The following PRKD1 variants were observed in gnomAD, a reference collection of about 807,000 sequenced individuals.
PRKD1 encodes serine/threonine-protein kinase D1.
Under a neutral mutation model 95.9 loss-of-function variants are expected in PRKD1, and 63 were observed. That is an observed-to-expected ratio of 0.66 (90% confidence interval 0.54 to 0.81). The LOEUF (loss-of-function observed/expected upper bound fraction) is 0.81. Among genes scored for constraint, PRKD1 ranks in the 30% least tolerant of loss-of-function variants. The probability of loss-of-function intolerance (pLI) is 0.00; values close to 1 mark genes in which losing one functional copy is unlikely to be tolerated. For missense variants in PRKD1, 1,048 were observed against 1,165.3 expected (o/e 0.90, Z 1.47); for synonymous variants, 425 against 423.1 (o/e 1.00, Z -0.05).
intron 2 of PRKD1, among the ~76,000 whole-genome samples, chr14:29,673,990 G>T (rs191717738): frequency 6.6e-5 from 10 of 152,178 alleles, no homozygotes; most frequent in African/African-American, 2.4e-4. Context: ...AATGGGCTTC[G>T]TGTGATGCAT....
chr14:29,720,896 C>A (rs1393298527), intron 2 of PRKD1, among the ~76,000 whole-genome samples: 1 of 152,106 alleles, frequency 6.6e-6, no homozygotes, highest in East Asian at 1.9e-4. Context: ...AGTTCTTCAG[C>A]CCCTCAGATA....
In PRKD1 at chr14:29,697,161, AG is replaced by A. The variant is rs1884567099; in HGVS notation, c.403+28374del. Among the ~76,000 whole-genome samples, 3 of 133,270 alleles carry A rather than the reference AG, an allele frequency of 2.3e-5. No individual in the cohort carries two copies. In the South Asian group the frequency reaches 8.0e-4, roughly 36 times the overall value. 87.4% of individuals were successfully genotyped at this position (133,270 alleles called of 152,430 possible). A position where few individuals can be genotyped will look rare whatever the true frequency, so the allele number is the denominator to read the frequency against. ...AGTTTGTAACCACATGTCAAAACAT[AG>A]TAAAAAAAAAACAAACAAACAAACA... On this transcript the variant is annotated intron_variant, in intron 2 of 17. Coordinates refer to ENST00000331968, the MANE Select transcript of PRKD1 (RefSeq NM_002742.3).
chr14:29,796,795 GTATGTT>G (rs1426710665), intron 1 of PRKD1, among the ~76,000 whole-genome samples: 2 of 152,128 alleles, frequency 1.3e-5, no homozygotes, highest in Admixed American at 6.6e-5. Context: ...TCTGATTTAA[GTATGTT>G]TAGGAGTTAA....
At chr14:29,736,128 G>A (rs1487149069) in intron 1 of PRKD1, among the ~76,000 whole-genome samples, 1 of 152,156 alleles carries the variant, frequency 6.6e-6, no homozygotes, top group African/African-American at 2.4e-5. Flanking sequence ...AGACCCCTAC[G>A]AAGTAGGTCA....
intron 4 of PRKD1, among the ~76,000 whole-genome samples, chr14:29,647,925 G>T (rs188796263): frequency 1.3e-5 from 2 of 152,326 alleles, no homozygotes; most frequent in African/African-American, 4.8e-5. Flanking sequence ...GCTTACAGAA[G>T]CCAGAACAAA....
At chr14:29,708,282 A>G (rs951373250) in intron 2 of PRKD1, among the ~76,000 whole-genome samples, 25 of 152,214 alleles carry the variant, frequency 1.6e-4, no homozygotes, top group Non-Finnish European at 2.6e-4. Flanking sequence ...AAAGGATGAC[A>G]TTAAAAAGTG....
chr14:29,619,686 A>G (rs1047241726), intron 13 of PRKD1, among the ~76,000 whole-genome samples: 2 of 152,160 alleles, frequency 1.3e-5, no homozygotes, highest in African/African-American at 4.8e-5. Flanking sequence ...GCAATTTTAA[A>G]TAGGGTGTTA....
At chr14:29,729,167 T>A (rs1388064108) in intron 1 of PRKD1, among the ~76,000 whole-genome samples, 2 of 152,122 alleles carry the variant, frequency 1.3e-5, no homozygotes, top group Non-Finnish European at 2.9e-5. Context: ...ATGATCTACT[T>A]CAAGGTAAGT....
intron 1 of PRKD1, among the ~76,000 whole-genome samples, chr14:29,885,072 G>A (rs1241224745): frequency 2.0e-5 from 3 of 149,112 alleles, no homozygotes; most frequent in African/African-American, 5.0e-5. Flanking sequence ...GCAGTGAGCC[G>A]AGATCGCACC....
intron 1 of PRKD1, among the ~76,000 whole-genome samples, chr14:29,730,557 A>G (rs1416679893): frequency 2.6e-5 from 4 of 152,186 alleles, no homozygotes; most frequent in African/African-American, 9.6e-5. Flanking sequence ...AGGATCTCAA[A>G]GAGAAAACTG....
At chr14:29,577,745 T>G (rs187691330) in intron 17 of PRKD1, among the ~76,000 whole-genome samples, 12 of 152,336 alleles carry the variant, frequency 7.9e-5, no homozygotes, top group Admixed American at 4.6e-4. Flanking sequence ...ATTTAATGCC[T>G]ACAAATAATC....
At chr14:29,855,307 C>T (rs1201322479) in intron 1 of PRKD1, among the ~76,000 whole-genome samples, 1 of 152,176 alleles carries the variant, frequency 6.6e-6, no homozygotes, top group African/African-American at 2.4e-5. Flanking sequence ...CCATGGGAAC[C>T]CATATCTTAT....
intron 1 of PRKD1, among the ~76,000 whole-genome samples, chr14:29,775,688 C>T (rs1013760525): frequency 1.3e-5 from 2 of 152,180 alleles, no homozygotes; most frequent in Non-Finnish European, 2.9e-5. Flanking sequence ...TCAAGGAGGC[C>T]TCCCTGCCTC....
At chr14:29,667,937 T>C (rs186585004) in intron 2 of PRKD1, among the ~76,000 whole-genome samples, 1 of 152,110 alleles carries the variant, frequency 6.6e-6, no homozygotes, top group Non-Finnish European at 1.5e-5. Context: ...ATTTGTTTTT[T>C]TTTTTTCTTT....
chr14:29,712,234 A>G (rs945446934), intron 2 of PRKD1, among the ~76,000 whole-genome samples: 1 of 152,068 alleles, frequency 6.6e-6, no homozygotes, highest in Non-Finnish European at 1.5e-5. Flanking sequence ...TGTGGGAGAA[A>G]ATTCTTTTTT....
At chr14:29,906,755 GT>G (rs1348171958) in intron 1 of PRKD1, among the ~76,000 whole-genome samples, 1 of 152,204 alleles carries the variant, frequency 6.6e-6, no homozygotes, top group East Asian at 1.9e-4. Context: ...GCCCATCTGA[GT>G]TTCTCAAATT....
intron 1 of PRKD1, among the ~76,000 whole-genome samples, chr14:29,901,520 GCAA>G (rs1435409640): frequency 2.6e-5 from 4 of 152,110 alleles, no homozygotes; most frequent in East Asian, 3.9e-4. Context: ...TAGTACAACA[GCAA>G]CAACAATAGT....
chr14:29,728,998 TTTG>T (rs1255835718), intron 1 of PRKD1, among the ~76,000 whole-genome samples: 1 of 152,186 alleles, frequency 6.6e-6, no homozygotes, highest in Non-Finnish European at 1.5e-5. Flanking sequence ...TTAGAAATGC[TTTG>T]TTGATTTCTA....
chr14:29,834,662 G>A (rs1891542621), intron 1 of PRKD1, among the ~76,000 whole-genome samples: 1 of 151,932 alleles, frequency 6.6e-6, no homozygotes, highest in South Asian at 2.1e-4. Context: ...GATCTTGTAA[G>A]AGATATACTA....
Sources: allele counts gnomAD v4.1 joint callset (sites outside exome capture counted in the v4.1 genomes callset), GRCh38; gene constraint gnomAD v4.1.1; transcripts MANE v1.5; gene names NCBI Gene and HGNC (gene_info 2026-07-23, HGNC 2026-07-21).